EYS: variants seen among roughly 807,000 people sequenced by gnomAD.
EYS encodes protein eyes shut homolog.
In EYS, 250 loss-of-function variants were observed where a neutral mutation model predicts 282.1. The observed-to-expected ratio is 0.89, with a 90% CI of 0.80 to 0.98. The LOEUF (loss-of-function observed/expected upper bound fraction) is 0.98, where lower values mean the gene tolerates loss of function less well. Ranked by LOEUF, EYS falls within the 50% of genes least tolerant of loss-of-function variation. The pLI, the probability that EYS is intolerant of heterozygous loss-of-function variation, is 0.00. For missense variants in EYS, 4,016 were observed against 3,709.0 expected, an observed-to-expected ratio of 1.08 and a Z score of -2.15; for synonymous variants, 1,355 against 1,282.9, an observed-to-expected ratio of 1.06 and a Z score of -1.20.
At chr6:65,616,064 T>A (rs1235290141) in intron 2 of EYS, among the ~76,000 whole-genome samples, 1 of 126,848 alleles carries the variant, frequency 7.9e-6, no homozygotes, top group Admixed American at 8.0e-5. Flanking sequence ...GCATCAAGCA[T>A]TAAACATTTA....
intron 12 of EYS, among the ~76,000 whole-genome samples, chr6:65,178,893 C>T (rs1765297896): frequency 6.6e-6 from 1 of 152,018 alleles, no homozygotes; most frequent in African/African-American, 2.4e-5. Flanking sequence ...AACTAGAACT[C>T]AGGATTAACA....
chr6:65,060,964 G>T (rs1021407946), intron 12 of EYS, among the ~76,000 whole-genome samples: 1 of 151,644 alleles, frequency 6.6e-6, no homozygotes, highest in South Asian at 2.1e-4. Flanking sequence ...AAATGCCAAT[G>T]ATACTGTATC....
At chr6:65,067,365 TA>T (rs374149874) in intron 12 of EYS, among the ~76,000 whole-genome samples, 24 of 151,072 alleles carry the variant, frequency 1.6e-4, no homozygotes, top group Non-Finnish European at 2.8e-4. Context: ...CAGTAAAGGA[TA>T]AAAAAAAATA....
At chr6:63,870,576 C>A (rs1229984006) in intron 35 of EYS, among the ~76,000 whole-genome samples, 2 of 152,018 alleles carry the variant, frequency 1.3e-5, no homozygotes, top group African/African-American at 4.8e-5. Context: ...TTTCTTTTGT[C>A]AAATCTTTAC....
At chr6:64,004,576 G>T (rs909458013) in intron 33 of EYS, among the ~76,000 whole-genome samples, 6 of 152,022 alleles carry the variant, frequency 3.9e-5, no homozygotes, top group African/African-American at 1.4e-4. Flanking sequence ...GCATAGTACT[G>T]TTAGGTAGTC....
At chr6:64,548,727 T>C (rs1446919365) in intron 26 of EYS, among the ~76,000 whole-genome samples, 2 of 151,984 alleles carry the variant, frequency 1.3e-5, no homozygotes, top group Admixed American at 1.3e-4. Context: ...TACCTAATGT[T>C]AAATGACGAG....
chr6:65,111,707 A>AGTG (rs908163890), intron 12 of EYS, among the ~76,000 whole-genome samples: 6 of 151,962 alleles, frequency 3.9e-5, no homozygotes, highest in Non-Finnish European at 7.4e-5. Flanking sequence ...AATAGCCAGG[A>AGTG]GTGGTGGCAC....
chr6:65,552,926 T>G (rs3908651), intron 2 of EYS, among the ~76,000 whole-genome samples: 1 of 151,238 alleles, frequency 6.6e-6, no homozygotes, highest in Non-Finnish European at 1.5e-5. Flanking sequence ...AAGCCAAATA[T>G]CGAGGAAATT....
intron 24 of EYS, among the ~76,000 whole-genome samples, chr6:64,610,565 G>C (rs561320452): frequency 6.6e-6 from 1 of 152,012 alleles, no homozygotes; most frequent in African/African-American, 2.4e-5. Flanking sequence ...TACCAAGCCT[G>C]GCTAATTTTT....
At chr6:65,343,835 T>G (rs1014435467) in intron 10 of EYS, among the ~76,000 whole-genome samples, 2 of 151,496 alleles carry the variant, frequency 1.3e-5, no homozygotes, top group African/African-American at 4.8e-5. Context: ...AATTTTTACT[T>G]TCCCATATTA....
chr6:65,689,219 T>C (rs575524237), intron 1 of EYS, among the ~76,000 whole-genome samples: 37 of 150,316 alleles, frequency 2.5e-4, no homozygotes, highest in Middle Eastern at 3.5e-3. Flanking sequence ...TTCATGTCCC[T>C]TGTAGGGACA....
chr6:64,672,777 A>G (rs1301147436), intron 22 of EYS, among the ~76,000 whole-genome samples: 4 of 152,106 alleles, frequency 2.6e-5, no homozygotes, highest in Non-Finnish European at 5.9e-5. Context: ...CTTCCTGACA[A>G]CCAGAAAAAA....
chr6:65,476,191 C>A (rs1355502589), intron 5 of EYS, among the ~76,000 whole-genome samples: 1 of 152,134 alleles, frequency 6.6e-6, no homozygotes, highest in African/African-American at 2.4e-5. Context: ...GTGGCCTCAT[C>A]TACCATGACG....
chr6:63,896,635 A>G (rs922927981), intron 35 of EYS, among the ~76,000 whole-genome samples: 1 of 152,208 alleles, frequency 6.6e-6, no homozygotes, highest in Non-Finnish European at 1.5e-5. Flanking sequence ...GTTTGGACAA[A>G]TACAGAATGA....
At chr6:63,857,884 G>C (rs1772434692) in intron 36 of EYS, 1 of 190,556 alleles carries the variant, frequency 5.2e-6, no homozygotes, top group African/African-American at 2.4e-5. Context: ...TCCTCTTTGG[G>C]GTGGGGACTC....
chr6:64,934,085 T>A (rs558156628), intron 15 of EYS, among the ~76,000 whole-genome samples: 1 of 151,448 alleles, frequency 6.6e-6, no homozygotes, highest in African/African-American at 2.4e-5. Context: ...TGTAGACCTA[T>A]GTAAAAAACC....
At chr6:63,993,388 A>T (rs910030944) in intron 34 of EYS, among the ~76,000 whole-genome samples, 1 of 151,834 alleles carries the variant, frequency 6.6e-6, no homozygotes, top group Non-Finnish European at 1.5e-5. Context: ...TTGTTCACAG[A>T]TGACCTGATA....
At chr6:64,296,583 T>TATATAC (rs1769021124) in intron 30 of EYS, among the ~76,000 whole-genome samples, 1 of 7,742 alleles carries the variant, frequency 1.3e-4, no homozygotes, top group Admixed American at 1.5e-3. Context: ...TATATATATA[T>TATATAC]ACATATATAT....
At chr6:64,508,269 G>A (rs1242413249) in intron 26 of EYS, among the ~76,000 whole-genome samples, 1 of 152,006 alleles carries the variant, frequency 6.6e-6, no homozygotes, top group Non-Finnish European at 1.5e-5. Context: ...CAGTTATTCT[G>A]TGTTGATCAA....
Sources: gnomAD v4.1 joint callset for allele counts (sites outside exome capture counted in the v4.1 genomes callset) on GRCh38, gnomAD v4.1.1 for gene constraint, MANE v1.5 for transcripts, NCBI Gene and HGNC (gene_info 2026-07-23, HGNC 2026-07-21) for gene names.